The following ADNP variants were observed in gnomAD, a reference collection of about 807,000 sequenced individuals.
The protein encoded by ADNP is activity dependent neuroprotector homeobox, also known as activity-dependent neuroprotector homeobox protein.
In ADNP, 4 loss-of-function variants were observed where a neutral mutation model predicts 84.9. The ratio of observed to expected loss-of-function variants is 0.05; its 90% confidence interval spans 0.02 to 0.11. The LOEUF is 0.11. ADNP is among the 10% of genes least tolerant of loss of function. The pLI is 1.00. For missense variants in ADNP, 1,132 were observed against 1,326.0 expected (o/e 0.85, Z 2.27); for synonymous variants, 554 against 468.1 (o/e 1.18, Z -2.37).
rs555701543 is a variant in ADNP at position 50,893,854 on chromosome 20, A to T, written c.860T>A (p.Ile287Asn). ...GACATTTCCAGAAGCAAGGGAACCG[A>T]TCCTTGGTGGGAGTCCCATGCTCTT... Reference protein sequence around the residue: ...DKKSMGLPPRIGSLASGNVRS... With the variant: ...DKKSMGLPPRNGSLASGNVRS... Residue 287 changes from isoleucine to asparagine, a missense_variant, in exon 6 of 6, where the codon ATC (isoleucine) becomes AAC (asparagine). Coordinates refer to ENST00000621696, the MANE Select transcript of ADNP (RefSeq NM_001282531.3). This position sits in a 1 kb window ranked among gnomAD's most constrained non-coding sequence, Gnocchi z 4.4. The T allele has an allele frequency of 1.2e-6, 2 of 1,614,188 alleles. No homozygotes were observed. Among genetic ancestry groups the T allele is most frequent in the African/African-American group, 1.3e-5 (1 of 75,034 alleles).
chr20:50,925,309 T>A (rs889221049), intron 2 of ADNP, among the ~76,000 whole-genome samples: 2 of 144,886 alleles, frequency 1.4e-5, no homozygotes, highest in African/African-American at 5.4e-5. Flanking sequence ...TCAAGTTGGC[T>A]CATATATACC....
intron 2 of ADNP, among the ~76,000 whole-genome samples, chr20:50,919,019 T>A (rs1408817947): frequency 2.6e-5 from 4 of 152,176 alleles, no homozygotes; most frequent in African/African-American, 9.7e-5. Flanking sequence ...ACAGGTGATT[T>A]CAGAGATTTA....
chr20:50,904,067 CTGA>C (rs1354967210), intron 3 of ADNP, 66 bp from the exon 4 acceptor site: 13 of 1,237,468 alleles, frequency 1.1e-5, no homozygotes, highest in South Asian at 5.1e-5. Context: ...ACTAATTCCA[CTGA>C]TGATAGGATC....
Position 50,891,268 on chromosome 20 carries a change from TG to T in ADNP, c.*136del. The T allele has an allele frequency of 2.8e-6, 4 of 1,421,844 alleles. No homozygotes were observed. Among genetic ancestry groups the T allele is most frequent in the Non-Finnish European group, 3.7e-6 (4 of 1,094,508 alleles). The allele number at this position is 1,421,844 out of a possible 1,614,324, so 88.1% of individuals were successfully genotyped here. A position where few individuals can be genotyped will look rare whatever the true frequency, so the allele number is the denominator to read the frequency against. ...CTGTCATAGACTTAGAAATAACCAC[TG>T]GAACTGCAGCGGCCACATGCCCCAC... On this transcript the variant is annotated 3_prime_UTR_variant, in exon 6 of 6. Coordinates refer to ENST00000621696, the MANE Select transcript of ADNP (RefSeq NM_001282531.3).
Position 50,893,405 on chromosome 20 carries a change from G to A in ADNP, c.1309C>T (p.Pro437Ser), listed in dbSNP as rs568888882. Reference protein sequence around the residue: ...KPAAAATGPPPGNTSSTQKWK... With the variant: ...KPAAAATGPPSGNTSSTQKWK... ...TTTTGAGTTGAGGAAGTGTTACCTG[G>A]GGGAGGGCCTGTGGCAGCTGCAGCA... The change falls in exon 6 of 6, where the codon CCA becomes TCA. Residue 437 changes from proline (P) to serine (S), a missense_variant. Around this residue, in one of 10 missense-constraint regions of ADNP, gnomAD observed 239 missense variants for 213.2 expected, o/e 1.12. Coordinates refer to ENST00000621696, the MANE Select transcript of ADNP (RefSeq NM_001282531.3). This position sits in a 1 kb window ranked among gnomAD's most constrained non-coding sequence, Gnocchi z 4.4. 2 of 1,614,162 alleles carry A rather than the reference G, an allele frequency of 1.2e-6. No homozygotes were observed. Among genetic ancestry groups the A allele is most frequent in the Non-Finnish European group, 1.7e-6 (2 of 1,180,024 alleles).
At chr20:50,895,719 A>G (rs1437465099) in intron 5 of ADNP, among the ~76,000 whole-genome samples, 2 of 152,162 alleles carry the variant, frequency 1.3e-5, no homozygotes, top group Non-Finnish European at 2.9e-5. Context: ...AATTTTGTAG[A>G]GACAGGGTCT....
intron 2 of ADNP, among the ~76,000 whole-genome samples, chr20:50,908,765 CTCTG>C (rs1440991751): frequency 6.6e-6 from 1 of 151,330 alleles, no homozygotes; most frequent in South Asian, 2.1e-4. Context: ...CAGAGTGAGA[CTCTG>C]TCTGCAAAAA....
intron 2 of ADNP, chr20:50,914,018 A>C: frequency 1.3e-6 from 1 of 754,634 alleles, no homozygotes; most frequent in Non-Finnish European, 2.5e-6. Context: ...AAAGGTGCTC[A>C]AGTGAATGCT....
intron 2 of ADNP, among the ~76,000 whole-genome samples, chr20:50,927,245 T>C (rs1374962823): frequency 6.6e-6 from 1 of 152,166 alleles, no homozygotes; most frequent in Non-Finnish European, 1.5e-5. Flanking sequence ...ACAGTGGGCA[T>C]GTATAAAATC....
intron 5 of ADNP, among the ~76,000 whole-genome samples, chr20:50,896,425 A>G (rs975451563): frequency 1.3e-5 from 2 of 152,074 alleles, no homozygotes; most frequent in Admixed American, 6.5e-5. Context: ...CCTCATCTCT[A>G]CTAAAAATAC....
At chr20:50,907,198 G>A (rs1017805454) in intron 2 of ADNP, among the ~76,000 whole-genome samples, 5 of 151,240 alleles carry the variant, frequency 3.3e-5, no homozygotes, top group African/African-American at 1.2e-4. Flanking sequence ...ATCTGACCTC[G>A]TGATCCGCCC....
intron 2 of ADNP, among the ~76,000 whole-genome samples, chr20:50,925,780 T>C (rs1375554646): frequency 2.0e-5 from 3 of 152,186 alleles, no homozygotes; most frequent in African/African-American, 7.2e-5. Context: ...CGGCATTTAC[T>C]CCAGTTACTA....
At chr20:50,896,457 G>C (rs1470515708) in intron 5 of ADNP, among the ~76,000 whole-genome samples, 1 of 152,136 alleles carries the variant, frequency 6.6e-6, no homozygotes, top group East Asian at 1.9e-4. Context: ...CGGACGTGGT[G>C]GCAGGCGCCT....
At chr20:50,904,103 A>C (rs921391990) in intron 3 of ADNP, 102 bp from the exon 4 acceptor site, 53 of 837,290 alleles carry the variant, frequency 6.3e-5, no homozygotes, top group Non-Finnish European at 7.6e-5. Flanking sequence ...CATCTGACAA[A>C]AAAGGTGCAT....
In ADNP at chr20:50,894,335, T is replaced by C. The variant is rs374165514; in HGVS notation, c.379A>G (p.Ile127Val). The change falls in exon 6 of 6, where the codon ATA becomes GTA. Residue 127 changes from isoleucine to valine, a missense_variant. This residue lies in a region of ADNP where 130 missense variants were observed against 183.7 expected (regional missense o/e 0.71). Transcript: ENST00000621696. ...DKKTLETHIK[I>V]FHAPNASAPS... ...GCGCTGGCGTTCGGAGCATGAAATA[T>C]TTTAATGTGTGTTTCCAAAGTCTTT... 20 of 1,613,806 alleles carry C rather than the reference T, an allele frequency of 1.2e-5. No individual in the cohort carries two copies. The Admixed American group carries it at 2.2e-4, about 18-fold the overall frequency.
chr20:50,911,186 G>A (rs994744484), intron 2 of ADNP, among the ~76,000 whole-genome samples: 1 of 152,162 alleles, frequency 6.6e-6, no homozygotes, highest in African/African-American at 2.4e-5. Flanking sequence ...CCATATGCAT[G>A]ATATTTGTAT....
At chr20:50,920,876 A>G (rs1175773367) in intron 2 of ADNP, among the ~76,000 whole-genome samples, 1 of 152,162 alleles carries the variant, frequency 6.6e-6, no homozygotes, top group Admixed American at 6.5e-5. Context: ...CCTCCTTAAC[A>G]AGAGGTAGGG....
intron 5 of ADNP, among the ~76,000 whole-genome samples, chr20:50,901,321 TAAAAAAAA>T (rs11470054): frequency 4.5e-4 from 42 of 92,754 alleles, no homozygotes; most frequent in African/African-American, 1.1e-3. Context: ...CTGGGGTATT[TAAAAAAAA>T]AAAAAAAAAA....
Position 50,909,593 on chromosome 20 carries a change from T to C in ADNP, c.-89-4744A>G, listed in dbSNP as rs994335738. ...GAATAGAGAGATGAGTAAGACATGGTTCTTCTTCCCCTTCAACAGTCCATT... is the reference window on the plus strand; with the variant it reads ...GAATAGAGAGATGAGTAAGACATGGCTCTTCTTCCCCTTCAACAGTCCATT... On this transcript the variant is annotated intron_variant, in intron 2 of 5. Coordinates refer to ENST00000621696, the MANE Select transcript of ADNP (RefSeq NM_001282531.3). 2.0e-5 allele frequency: 3 copies of C among 152,324 alleles called. 1 individual carries two copies. The highest frequency in any genetic ancestry group is 2.0e-4 in the Admixed American group (3 of 15,290). The allele number at this position is 152,324 out of a possible 1,614,324, so 9.4% of individuals were successfully genotyped here.
Sources: gnomAD v4.1 joint callset for allele counts (sites outside exome capture counted in the v4.1 genomes callset) on GRCh38, gnomAD v4.1.1 for gene constraint, gnomAD v4.1.1 regional missense constraint, Gnocchi (gnomAD v3.1) non-coding constraint, MANE v1.5 for transcripts, NCBI Gene and HGNC (gene_info 2026-07-23, HGNC 2026-07-21) for gene names.